ERCC3: variants seen among roughly 807,000 people sequenced by gnomAD.
The protein encoded by ERCC3 is ERCC excision repair 3, TFIIH core complex helicase subunit, also known as general transcription and DNA repair factor IIH helicase/translocase subunit XPB.
ERCC3 carries 66 observed loss-of-function variants against 94.2 expected under a neutral mutation model. That is an observed-to-expected ratio of 0.70 (90% CI 0.57 to 0.86). ERCC3 has a LOEUF of 0.86. Among genes scored for constraint, ERCC3 ranks in the 40% least tolerant of loss-of-function variants. The pLI, the probability that ERCC3 is intolerant of heterozygous loss-of-function variation, is 0.00. For synonymous variants in ERCC3, 349 were observed against 369.1 expected, an observed-to-expected ratio of 0.95 and a Z score of 0.63; for missense variants, 829 against 987.1, an observed-to-expected ratio of 0.84 and a Z score of 2.15.
chr2:127,270,607 C>T (rs1416375782), intron 12 of ERCC3, among the ~76,000 whole-genome samples: 1 of 152,230 alleles, frequency 6.6e-6, no homozygotes, highest in African/African-American at 2.4e-5. Flanking sequence ...AACATTCTAG[C>T]AGTCCAGATG....
At chr2:127,288,999 A>C in intron 6 of ERCC3, 135 bp from the exon 7 acceptor site, 1 of 828,250 alleles carries the variant, frequency 1.2e-6, no homozygotes, top group Non-Finnish European at 2.1e-6. Context: ...TTGCTCAGTC[A>C]ACAACCGGGA....
In ERCC3 at chr2:127,280,660, GTCACTTTTCTT is replaced by G. The variant is rs1244187364; in HGVS notation, c.1343-40_1343-30del. ...AGGAAACAATGGGAGCATTCACACT[GTCACTTTTCTT>G]TCTTATTTTTTATTTATTTATTTTA... On this transcript the variant is annotated intron_variant, in intron 8 of 14. Transcript: ENST00000285398. This position sits in a 1 kb window ranked among gnomAD's most constrained non-coding sequence, Gnocchi z 6.3. The G allele has an allele frequency of 1.3e-6, 2 of 1,583,724 alleles. No individual in the cohort carries two copies. Among genetic ancestry groups the G allele is most frequent in the Non-Finnish European group, 8.7e-7 (1 of 1,153,850 alleles).
Position 127,271,336 on chromosome 2 carries a change from C to CT in ERCC3, c.1944dup (p.Gly649ArgfsTer38). 2 of 1,609,632 alleles carry CT rather than the reference C, an allele frequency of 1.2e-6. No homozygotes were observed. Among genetic ancestry groups the CT allele is most frequent in the Non-Finnish European group, 1.7e-6 (2 of 1,175,958 alleles). ...AACAGAAGATGAAAGGCCACTTTACCTTTTTTAGCTCGAAGCACCCGCCCT... is the reference window on the plus strand; with the variant it reads ...AACAGAAGATGAAAGGCCACTTTACCTTTTTTTAGCTCGAAGCACCCGCCCT... On this transcript the variant is annotated frameshift_variant and splice_region_variant, in exon 12 of 15. Coordinates refer to ENST00000285398, the MANE Select transcript of ERCC3 (RefSeq NM_000122.2). LOFTEE classifies it high-confidence loss of function. The surrounding 1 kb of genome is among the most constrained non-coding windows in gnomAD (Gnocchi z 5.0).
intron 8 of ERCC3, among the ~76,000 whole-genome samples, chr2:127,283,854 T>C (rs773603469): frequency 6.6e-6 from 1 of 152,234 alleles, no homozygotes. Flanking sequence ...GACATATGTA[T>C]ATCCTTTTTT....
chr2:127,289,608 A>C, intron 5 of ERCC3, 81 bp downstream of exon 5: 1 of 1,605,154 alleles, frequency 6.2e-7, no homozygotes, highest in South Asian at 1.1e-5. Flanking sequence ...CTAGGTTGTA[A>C]GTGCTGGGTT....
intron 8 of ERCC3, 42 bp downstream of exon 8, chr2:127,286,661 T>C (rs751599419): frequency 6.3e-7 from 1 of 1,594,328 alleles, no homozygotes; most frequent in South Asian, 1.1e-5. Flanking sequence ...GAAATTGGTT[T>C]GTCTGTTCAG....
chr2:127,288,634 A>G (rs1302138212), intron 7 of ERCC3, 26 bp downstream of exon 7: 1 of 1,598,628 alleles, frequency 6.3e-7, no homozygotes, highest in East Asian at 2.2e-5. Flanking sequence ...CAGCCTGACC[A>G]CCTTCTTAAC....
intron 8 of ERCC3, 54 bp downstream of exon 8, chr2:127,286,649 T>C (rs1416824979): frequency 5.1e-6 from 8 of 1,564,960 alleles, no homozygotes; most frequent in Non-Finnish European, 7.0e-6. Flanking sequence ...ACCTAACAAC[T>C]GGAAATTGGT....
At chr2:127,273,694 A>T (rs1342280015) in intron 10 of ERCC3, among the ~76,000 whole-genome samples, 6 of 135,768 alleles carry the variant, frequency 4.4e-5, no homozygotes, top group Non-Finnish European at 7.7e-5. Context: ...GGTTGTGGTG[A>T]GCCGAGATCG....
At chr2:127,282,113 T>A (rs1684934918) in intron 8 of ERCC3, among the ~76,000 whole-genome samples, 1 of 152,164 alleles carries the variant, frequency 6.6e-6, no homozygotes, top group Admixed American at 6.5e-5. Flanking sequence ...GACATGCAGC[T>A]GTGGAACCAC....
At chr2:127,268,964 C>T (rs1189428456) in intron 12 of ERCC3, among the ~76,000 whole-genome samples, 1 of 151,658 alleles carries the variant, frequency 6.6e-6, no homozygotes, top group Non-Finnish European at 1.5e-5. Flanking sequence ...CACTGAGATA[C>T]AGTGACAGTC....
At position 127,290,283 on chromosome 2, in the gene ERCC3, C is replaced by T. The variant is rs369227601; in HGVS notation, c.472-10G>A. ...AGCTGACAGTACACAACTGCAAATACAGATAACATCCAACAGGTAAATGTG... is the reference window on the plus strand; with the variant it reads ...AGCTGACAGTACACAACTGCAAATATAGATAACATCCAACAGGTAAATGTG... On this transcript the variant is annotated splice_polypyrimidine_tract_variant and intron_variant, in intron 3 of 14. Coordinates refer to ENST00000285398, the MANE Select transcript of ERCC3 (RefSeq NM_000122.2). 6.8e-6 allele frequency: 11 copies of T among 1,610,416 alleles called. No homozygotes were observed. Among genetic ancestry groups the T allele is most frequent in the Admixed American group, 1.7e-5 (1 of 60,002 alleles).
chr2:127,265,283 G>A (rs1388751952), intron 12 of ERCC3, among the ~76,000 whole-genome samples: 1 of 152,118 alleles, frequency 6.6e-6, no homozygotes, highest in Non-Finnish European at 1.5e-5. Context: ...ACTAGTTTGT[G>A]TGCACAGAGG....
At chr2:127,268,541 G>C (rs1239681917) in intron 12 of ERCC3, among the ~76,000 whole-genome samples, 2 of 152,158 alleles carry the variant, frequency 1.3e-5, no homozygotes, top group African/African-American at 4.8e-5. Context: ...GGGATTACAG[G>C]TGTGAGCCGC....
intron 13 of ERCC3, chr2:127,260,265 G>A (rs374238323): frequency 6.6e-6 from 1 of 152,476 alleles, no homozygotes; most frequent in African/African-American, 2.4e-5. Context: ...AAACTACTAC[G>A]GCATGGCATT....
rs960627621 is a variant in ERCC3 at position 127,266,709 on chromosome 2, A to ATTTTTT, written c.1945+4621_1945+4626dup. On this transcript the variant is annotated intron_variant, in intron 12 of 14. Transcript: ENST00000285398. ...TTTATGGCCAAACACATGATCAATT[A>ATTTTTT]TTTTTTTTTTTTTTTTTTTTTTTTG... Among the ~76,000 whole-genome samples, 40 of 87,318 alleles carry ATTTTTT rather than the reference A, an allele frequency of 4.6e-4. 1 individual carries two copies. The highest frequency in any genetic ancestry group is 1.5e-3 in the African/African-American group (29 of 19,324). 57.3% of individuals were successfully genotyped at this position (87,318 alleles called of 152,430 possible).
At position 127,258,626 on chromosome 2, in the gene ERCC3, C is replaced by T. The variant is rs1015110707; in HGVS notation, c.2217+670G>A. Among the ~76,000 whole-genome samples the T allele has an allele frequency of 1.1e-4, 17 of 152,140 alleles. No individual in the cohort carries two copies. The highest frequency in any genetic ancestry group is 2.5e-4 in the Non-Finnish European group (17 of 68,022). ...TTGCCTTGGTCCAGCAGTTGCTCACCTTCCGGCTCTAATGGCAACTGAATT... is the reference window on the plus strand; with the variant it reads ...TTGCCTTGGTCCAGCAGTTGCTCACTTTCCGGCTCTAATGGCAACTGAATT... On this transcript the variant is annotated intron_variant, in intron 14 of 14. Transcript: ENST00000285398. This position sits in a 1 kb window ranked among gnomAD's most constrained non-coding sequence, Gnocchi z 4.1.
rs1685278232 is a variant in ERCC3, at chr2:127,291,795, C to T, written c.471+815G>A. ...AAACCTAGCATGTTCAACTATTAAT[C>T]ACATGGAACCCTCTTTGTTTTGTCA... is the stretch of plus-strand genomic sequence containing the variant. On this transcript the variant is annotated intron_variant, in intron 3 of 14. Transcript: ENST00000285398. The surrounding 1 kb of genome is among the most constrained non-coding windows in gnomAD (Gnocchi z 4.9). 1 of 152,378 alleles carries T rather than the reference C, an allele frequency of 6.6e-6. No homozygotes were observed. Among genetic ancestry groups the T allele is most frequent in the African/African-American group, 2.4e-5 (1 of 41,460 alleles). The allele number at this position is 152,378 out of a possible 1,614,324, so 9.4% of individuals were successfully genotyped here.
At chr2:127,283,970 T>G (rs1395394556) in intron 8 of ERCC3, among the ~76,000 whole-genome samples, 1 of 152,062 alleles carries the variant, frequency 6.6e-6, no homozygotes, top group Non-Finnish European at 1.5e-5. Context: ...CAACTCCTGA[T>G]AGTCACCTTC....
Sources: allele counts gnomAD v4.1 joint callset (sites outside exome capture counted in the v4.1 genomes callset), GRCh38; gene constraint gnomAD v4.1.1; non-coding constraint Gnocchi (gnomAD v3.1); transcripts MANE v1.5; gene names NCBI Gene and HGNC (gene_info 2026-07-23, HGNC 2026-07-21).